Variants in TSHZ2 observed in about 807,000 individuals in gnomAD.
The protein encoded by TSHZ2 is teashirt homolog 2.
TSHZ2 carries 21 observed loss-of-function variants against 74.4 expected under a neutral mutation model. That is an observed-to-expected ratio of 0.28 (90% CI 0.20 to 0.41). The LOEUF is 0.41. TSHZ2 is among the 10% of genes least tolerant of loss of function. The pLI, the probability that TSHZ2 is intolerant of heterozygous loss-of-function variation, is 1.00. For synonymous variants in TSHZ2, 540 were observed against 515.3 expected, an observed-to-expected ratio of 1.05 and a Z score of -0.65; for missense variants, 1,244 against 1,293.5, an observed-to-expected ratio of 0.96 and a Z score of 0.59.
intron 1 of TSHZ2, among the ~76,000 whole-genome samples, chr20:53,186,500 G>C (rs987123583): frequency 6.6e-6 from 1 of 152,186 alleles, no homozygotes; most frequent in Non-Finnish European, 1.5e-5. Flanking sequence ...TTGGGGTCAA[G>C]CAGTCAGCTC....
intron 1 of TSHZ2, among the ~76,000 whole-genome samples, chr20:52,997,080 T>A (rs1982226305): frequency 6.6e-6 from 1 of 152,122 alleles, no homozygotes; most frequent in African/African-American, 2.4e-5. Context: ...ACAAAGGCAA[T>A]GTTTCTTGGG....
chr20:53,181,586 A>G (rs964121337), intron 1 of TSHZ2, among the ~76,000 whole-genome samples: 1 of 151,990 alleles, frequency 6.6e-6, no homozygotes, highest in African/African-American at 2.4e-5. Context: ...CGTTGCTTTT[A>G]TTTAGAAATT....
chr20:52,973,011 AG>A lies in TSHZ2; in HGVS notation c.-281del, dbSNP rs1272890213. On this transcript the variant is annotated 5_prime_UTR_variant, in exon 1 of 3. It introduces an in-frame stop codon into an upstream open reading frame of the 5' UTR. Coordinates refer to ENST00000371497, the MANE Select transcript of TSHZ2 (RefSeq NM_173485.6). The stretch of plus-strand genomic sequence containing the variant: ...CCAAAAGCAAAAACAAAAAAGAGAG[AG>A]GAAAAAAAATTCAAAATAAACAAAC... 1 of 389,560 alleles carries A rather than the reference AG, an allele frequency of 2.6e-6. No individual in the cohort carries two copies. The highest frequency in any genetic ancestry group is 3.8e-5 in the East Asian group (1 of 26,442). 24.1% of individuals were successfully genotyped at this position (389,560 alleles called of 1,614,324 possible).
intron 2 of TSHZ2, among the ~76,000 whole-genome samples, chr20:53,342,638 C>T (rs1015849059): frequency 1.3e-5 from 2 of 152,152 alleles, no homozygotes; most frequent in Non-Finnish European, 2.9e-5. Context: ...CACGTATGCC[C>T]ATTTTACAGA....
intron 2 of TSHZ2, among the ~76,000 whole-genome samples, chr20:53,409,143 G>A (rs1026603952): frequency 6.6e-5 from 10 of 152,158 alleles, no homozygotes; most frequent in Non-Finnish European, 1.3e-4. Flanking sequence ...CGCTATAACA[G>A]AAGGGGGGAT....
chr20:53,212,664 G>A (rs888500821), intron 1 of TSHZ2, among the ~76,000 whole-genome samples: 3 of 152,192 alleles, frequency 2.0e-5, no homozygotes, highest in African/African-American at 7.2e-5. Flanking sequence ...TGTGAGGATA[G>A]ATCTCAAGTG....
intron 1 of TSHZ2, among the ~76,000 whole-genome samples, chr20:53,145,777 A>G (rs1987525755): frequency 6.6e-6 from 1 of 152,202 alleles, no homozygotes; most frequent in Admixed American, 6.5e-5. Flanking sequence ...AGCACAGGTA[A>G]TCCCAGAAGA....
At chr20:53,402,930 C>T (rs1337043329) in intron 2 of TSHZ2, among the ~76,000 whole-genome samples, 2 of 152,226 alleles carry the variant, frequency 1.3e-5, no homozygotes, top group Non-Finnish European at 2.9e-5. Context: ...GCCTCAAAAA[C>T]ATCAACTCCC....
chr20:53,254,265 G>T lies in TSHZ2; in HGVS notation c.807G>T (p.Glu269Asp). 1 of 1,614,078 alleles carries T rather than the reference G, an allele frequency of 6.2e-7. No individual in the cohort carries two copies. Among genetic ancestry groups the T allele is most frequent in the Non-Finnish European group, 8.5e-7 (1 of 1,180,000 alleles). The change falls in exon 2 of 3, where the codon GAG becomes GAT. Residue 269 changes from glutamate to aspartate, a missense_variant. Glu to Asp is a conservative substitution (Grantham distance 45, BLOSUM62 2). Coordinates refer to ENST00000371497, the MANE Select transcript of TSHZ2 (RefSeq NM_173485.6). ...GGGCTTTCCAGGATATGGACAAAGA[G>T]GATGCTCAAAAGGTTCTGAAATGTA... is the stretch of plus-strand genomic sequence containing the variant. ...RKRAFQDMDK[E>D]DAQKVLKCMF...
intron 1 of TSHZ2, among the ~76,000 whole-genome samples, chr20:53,068,527 G>A (rs901931800): frequency 1.3e-5 from 2 of 151,948 alleles, no homozygotes; most frequent in African/African-American, 2.4e-5. Context: ...CCCCCACACC[G>A]AGTCTAGTTG....
At chr20:53,170,395 G>A (rs78464603) in intron 1 of TSHZ2, among the ~76,000 whole-genome samples, 5 of 152,188 alleles carry the variant, frequency 3.3e-5, no homozygotes, top group Non-Finnish European at 7.3e-5. Context: ...CCTAGCAAGC[G>A]TATGCCAAAA....
intron 1 of TSHZ2, among the ~76,000 whole-genome samples, chr20:53,162,220 A>G (rs533065944): frequency 6.6e-6 from 1 of 152,290 alleles, no homozygotes; most frequent in Admixed American, 6.5e-5. Flanking sequence ...CAACTGAAGG[A>G]AAAAAATAAC....
rs1476435412 is a variant in TSHZ2 at position 53,361,905 on chromosome 20, TG to T, written c.*8+105335del. 6.3e-5 allele frequency among the ~76,000 whole-genome samples: 6 copies of T among 95,734 alleles called. No homozygotes were observed. In the Admixed American group the frequency reaches 6.3e-4, roughly 10 times the overall value. 62.8% of individuals were successfully genotyped at this position (95,734 alleles called of 152,430 possible). ...CTTTTGTTGTTGTTGTTGTTTGTGT[TG>T]TTGTTGTTGTTTTGTGTTTTTTTTT... is the stretch of plus-strand genomic sequence containing the variant. On this transcript the variant is annotated intron_variant, in intron 2 of 2. Coordinates refer to ENST00000371497, the MANE Select transcript of TSHZ2 (RefSeq NM_173485.6).
Position 53,493,126 on chromosome 20 carries a change from A to G in TSHZ2, c.*5991A>G, listed in dbSNP as rs910829701. The G allele has an allele frequency of 6.6e-6, 1 of 152,216 alleles. No individual in the cohort carries two copies. Among genetic ancestry groups the G allele is most frequent in the African/African-American group, 2.4e-5 (1 of 41,450 alleles). 9.4% of individuals were successfully genotyped at this position (152,216 alleles called of 1,614,324 possible). Reference sequence around the variant, plus strand: ...GTGTACATATTTGTATATACTAACTATATCGCCATGTATGAACACAGATTT... The same window carrying G: ...GTGTACATATTTGTATATACTAACTGTATCGCCATGTATGAACACAGATTT... On this transcript the variant is annotated 3_prime_UTR_variant, in exon 3 of 3. Transcript: ENST00000371497.
At chr20:53,107,739 A>G (rs73142264) in intron 1 of TSHZ2, among the ~76,000 whole-genome samples, 10,727 of 152,210 alleles carry the variant, frequency 0.07, 448 homozygotes, top group Non-Finnish European at 0.1. Context: ...CCGTATCTTC[A>G]TGTCTGTTCC....
chr20:53,264,572 A>T (rs1362590834), intron 2 of TSHZ2, among the ~76,000 whole-genome samples: 1 of 152,258 alleles, frequency 6.6e-6, no homozygotes, highest in Non-Finnish European at 1.5e-5. Context: ...CAAAGGATGC[A>T]TGTCCAGAAT....
At chr20:53,037,748 C>A (rs190758299) in intron 1 of TSHZ2, among the ~76,000 whole-genome samples, 1 of 152,284 alleles carries the variant, frequency 6.6e-6, no homozygotes, top group East Asian at 1.9e-4. Context: ...GCTGTGAGCA[C>A]CGGGAGACTT....
intron 1 of TSHZ2, among the ~76,000 whole-genome samples, chr20:53,057,931 T>C (rs1984694657): frequency 6.6e-6 from 1 of 152,180 alleles, no homozygotes; most frequent in African/African-American, 2.4e-5. Context: ...AGTAATGTCT[T>C]AGATCGGTGG....
intron 1 of TSHZ2, among the ~76,000 whole-genome samples, chr20:53,044,699 G>A (rs112011822): frequency 0.014 from 2,125 of 152,150 alleles, 52 homozygotes; most frequent in African/African-American, 0.043. Context: ...TGTATGTTTT[G>A]GGGTGCTTTC....
Sources: gnomAD v4.1 joint callset for allele counts (sites outside exome capture counted in the v4.1 genomes callset) on GRCh38, gnomAD v4.1.1 for gene constraint, MANE v1.5 for transcripts, NCBI Gene and HGNC (gene_info 2026-07-23, HGNC 2026-07-21) for gene names.